The following NSD2 variants were observed in gnomAD, a reference collection of about 807,000 sequenced individuals.
NSD2 encodes histone-lysine N-methyltransferase NSD2.
NSD2 carries 12 observed loss-of-function variants against 139.0 expected under a neutral mutation model. The ratio of observed to expected loss-of-function variants is 0.09; its 90% confidence interval spans 0.06 to 0.14. The LOEUF (loss-of-function observed/expected upper bound fraction) is 0.14, where lower values mean the gene tolerates loss of function less well. Ranked by LOEUF, NSD2 falls within the 10% of genes least tolerant of loss-of-function variation. The pLI, the probability that NSD2 is intolerant of heterozygous loss-of-function variation, is 1.00. For missense variants in NSD2, 1,155 were observed against 1,745.0 expected (o/e 0.66, Z 6.02); for synonymous variants, 669 against 648.7 (o/e 1.03, Z -0.48).
chr4:1,885,253 G>C (rs915256497), intron 1 of NSD2, among the ~76,000 whole-genome samples: 1 of 152,162 alleles, frequency 6.6e-6, no homozygotes, highest in African/African-American at 2.4e-5. Flanking sequence ...GTTCACAGCT[G>C]CTATAAGGCA....
rs576117070 is a variant in NSD2 at position 1,955,950 on chromosome 4, G to A, written c.2676-33G>A. 63 of 1,612,240 alleles carry A rather than the reference G, an allele frequency of 3.9e-5. No homozygotes were observed. Among genetic ancestry groups the A allele is most frequent in the South Asian group, 2.2e-4 (20 of 90,940 alleles). ...AAATTATTATCGCTGTCTCTGAGGAGTCTGTGAATCCTGTTTTTAATATTT... is the reference window on the plus strand; with the variant it reads ...AAATTATTATCGCTGTCTCTGAGGAATCTGTGAATCCTGTTTTTAATATTT... On this transcript the variant is annotated intron_variant, in intron 14 of 21. Coordinates refer to ENST00000508803, the MANE Select transcript of NSD2 (RefSeq NM_001042424.3). This position sits in a 1 kb window ranked among gnomAD's most constrained non-coding sequence, Gnocchi z 4.7.
chr4:1,971,291 A>G (rs542887823), intron 18 of NSD2, among the ~76,000 whole-genome samples: 24 of 152,326 alleles, frequency 1.6e-4, no homozygotes, highest in African/African-American at 5.8e-4. Context: ...ACTTTCAGTG[A>G]CACAGAAGAA....
intron 6 of NSD2, among the ~76,000 whole-genome samples, chr4:1,934,281 C>T (rs1370565720): frequency 6.6e-6 from 1 of 151,592 alleles, no homozygotes; most frequent in East Asian, 2.0e-4. Context: ...GATGGGGTTC[C>T]TCCATGTTGG....
chr4:1,942,342 T>C lies in NSD2; in HGVS notation c.1881+2564T>C, dbSNP rs745972392. 1 of 1,613,650 alleles carries C rather than the reference T, an allele frequency of 6.2e-7. No individual in the cohort carries two copies. The highest frequency in any genetic ancestry group is 1.1e-5 in the South Asian group (1 of 90,934). On this transcript the variant is annotated intron_variant, in intron 9 of 21. Transcript: ENST00000508803. This position sits in a 1 kb window ranked among gnomAD's most constrained non-coding sequence, Gnocchi z 4.0. ...TTTTCGCCTTCACTGGTAACAGCTT[T>C]TGTGGGAGCCCACACCAGTCAAGTT...
intron 9 of NSD2, chr4:1,946,093 G>A (rs2108921107): frequency 9.7e-7 from 1 of 1,029,706 alleles, no homozygotes; most frequent in East Asian, 6.2e-5. Flanking sequence ...CTATAAATAG[G>A]GTAATTGCTG....
intron 1 of NSD2, among the ~76,000 whole-genome samples, chr4:1,873,172 A>G (rs1211130143): frequency 6.6e-6 from 1 of 152,240 alleles, no homozygotes; most frequent in Admixed American, 6.5e-5. Flanking sequence ...GATGGTTGGT[A>G]GAGTGAGGAC....
At chr4:1,922,217 A>T (rs1470367793) in intron 5 of NSD2, among the ~76,000 whole-genome samples, 1 of 152,208 alleles carries the variant, frequency 6.6e-6, no homozygotes, top group East Asian at 1.9e-4. Context: ...CTATGTAGAA[A>T]ACTCAAGAGA....
rs934466785 is a variant in NSD2 at position 1,973,897 on chromosome 4, C to T, written c.3373-966C>T. On this transcript the variant is annotated intron_variant, in intron 18 of 21. Transcript: ENST00000508803. This position sits in a 1 kb window ranked among gnomAD's most constrained non-coding sequence, Gnocchi z 5.5. ...CGGCTCCTCAGGTGGAGGCCGGGGC[C>T]GTCCATTCCCTGCTGCTGGGTGGAG... 3.9e-5 allele frequency among the ~76,000 whole-genome samples: 6 copies of T among 152,224 alleles called. No individual in the cohort carries two copies. Among genetic ancestry groups the T allele is most frequent in the African/African-American group, 9.6e-5 (4 of 41,456 alleles).
chr4:1,958,408 G>A lies in NSD2; in HGVS notation c.2985+372G>A, dbSNP rs530293709. Among the ~76,000 whole-genome samples, 129 of 152,340 alleles carry A rather than the reference G, an allele frequency of 8.5e-4. No individual in the cohort carries two copies. The highest frequency in any genetic ancestry group is 2.9e-3 in the African/African-American group (120 of 41,592). On this transcript the variant is annotated intron_variant, in intron 16 of 21. Transcript: ENST00000508803. This position sits in a 1 kb window ranked among gnomAD's most constrained non-coding sequence, Gnocchi z 4.6. Reference sequence around the variant, plus strand: ...GGCTCAGTGACTGAGCCCCAAACACGTAGATCCTGTACCTCAGAGAGCAAG... The same window carrying A: ...GGCTCAGTGACTGAGCCCCAAACACATAGATCCTGTACCTCAGAGAGCAAG...
chr4:1,901,180 G>T lies in NSD2; in HGVS notation c.526G>T (p.Asp176Tyr). Residue 176 changes from aspartate to tyrosine, a missense_variant, in exon 2 of 22, where the codon GAC (aspartate) becomes TAC (tyrosine). Coordinates refer to ENST00000508803, the MANE Select transcript of NSD2 (RefSeq NM_001042424.3). Reference sequence around the variant, plus strand: ...GAACAGGAAGAGGAGCATAAAATATGACTCCTTGCTGGAGCAGGGCCTTGT... The same window carrying T: ...GAACAGGAAGAGGAGCATAAAATATTACTCCTTGCTGGAGCAGGGCCTTGT... Reference protein sequence around the residue: ...RRNRKRSIKYDSLLEQGLVEA... With the variant: ...RRNRKRSIKYYSLLEQGLVEA... 6.2e-7 allele frequency: 1 copy of T among 1,613,306 alleles called. No homozygotes were observed. Among genetic ancestry groups the T allele is most frequent in the South Asian group, 1.1e-5 (1 of 90,894 alleles).
chr4:1,955,668 T>G lies in NSD2; in HGVS notation c.2519-25T>G. 6.2e-7 allele frequency: 1 copy of G among 1,602,098 alleles called. No homozygotes were observed. The highest frequency in any genetic ancestry group is 8.5e-7 in the Non-Finnish European group (1 of 1,173,490). ...TGAGCCATAGCAGACAGGCTAAGCCTGGCCGCCTCGCCCTCCTCTTGCAGG... is the reference window on the plus strand; with the variant it reads ...TGAGCCATAGCAGACAGGCTAAGCCGGGCCGCCTCGCCCTCCTCTTGCAGG... On this transcript the variant is annotated intron_variant, in intron 13 of 21. Transcript: ENST00000508803. The surrounding 1 kb of genome is among the most constrained non-coding windows in gnomAD (Gnocchi z 4.7).
Position 1,942,230 on chromosome 4 carries a change from C to G in NSD2, c.1881+2452C>G. 7.9e-6 allele frequency: 12 copies of G among 1,522,764 alleles called. No homozygotes were observed. Among genetic ancestry groups the G allele is most frequent in the Non-Finnish European group, 9.7e-6 (11 of 1,139,290 alleles). The allele number at this position is 1,522,764 out of a possible 1,614,324, so 94.3% of individuals were successfully genotyped here. A position where few individuals can be genotyped will look rare whatever the true frequency, so the allele number is the denominator to read the frequency against. On this transcript the variant is annotated intron_variant, in intron 9 of 21. Coordinates refer to ENST00000508803, the MANE Select transcript of NSD2 (RefSeq NM_001042424.3). This position sits in a 1 kb window ranked among gnomAD's most constrained non-coding sequence, Gnocchi z 4.0. ...AGAATAAATTAAAATTACACACTTG[C>G]ATGACAAAGGCCTGTGAAGGAATTA...
chr4:1,965,442 G>C (rs1725789641), intron 18 of NSD2, among the ~76,000 whole-genome samples: 1 of 152,116 alleles, frequency 6.6e-6, no homozygotes, highest in African/African-American at 2.4e-5. Flanking sequence ...GAGAGAAAGA[G>C]GCAGAGACAA....
At chr4:1,927,774 A>G (rs1721132110) in intron 5 of NSD2, among the ~76,000 whole-genome samples, 1 of 147,672 alleles carries the variant, frequency 6.8e-6, no homozygotes, top group South Asian at 2.2e-4. Flanking sequence ...AGGCAGGATG[A>G]AGGAGGGGAA....
At chr4:1,894,508 AC>A (rs1715981691) in intron 1 of NSD2, among the ~76,000 whole-genome samples, 1 of 151,966 alleles carries the variant, frequency 6.6e-6, no homozygotes. Flanking sequence ...CCCCGTCTCT[AC>A]AAAAAATACA....
intron 17 of NSD2, 24 bp from the exon 18 acceptor site, chr4:1,961,011 T>C: frequency 1.2e-6 from 2 of 1,601,062 alleles, no homozygotes; most frequent in East Asian, 2.2e-5. Flanking sequence ...CTTTTTGTCA[T>C]GGCCACATGC....
intron 6 of NSD2, among the ~76,000 whole-genome samples, chr4:1,932,345 A>T (rs1346150748): frequency 6.6e-6 from 1 of 151,186 alleles, no homozygotes; most frequent in Non-Finnish European, 1.5e-5. Flanking sequence ...AGGCTGAGGC[A>T]CGAGAATCTC....
At chr4:1,899,012 A>G (rs1035067632) in intron 1 of NSD2, among the ~76,000 whole-genome samples, 7 of 152,100 alleles carry the variant, frequency 4.6e-5, no homozygotes, top group Non-Finnish European at 8.8e-5. Flanking sequence ...CCAGGGTTAT[A>G]GTTTTTACCT....
intron 1 of NSD2, among the ~76,000 whole-genome samples, chr4:1,873,447 C>T (rs1310764850): frequency 1.3e-5 from 2 of 152,130 alleles, no homozygotes; most frequent in Non-Finnish European, 2.9e-5. Flanking sequence ...GCTGCAGGTG[C>T]GACTTGCTTT....
Sources: allele counts gnomAD v4.1 joint callset (sites outside exome capture counted in the v4.1 genomes callset), GRCh38; gene constraint gnomAD v4.1.1; non-coding constraint Gnocchi (gnomAD v3.1); transcripts MANE v1.5; gene names NCBI Gene and HGNC (gene_info 2026-07-23, HGNC 2026-07-21).